Variants in RNF38 observed in about 807,000 individuals in gnomAD.
RNF38 encodes the protein E3 ubiquitin-protein ligase RNF38.
In RNF38, 15 loss-of-function variants were observed where a neutral mutation model predicts 67.2. That is an observed-to-expected ratio of 0.22 (90% CI 0.15 to 0.34). The LOEUF is 0.34. RNF38 is among the 10% of genes least tolerant of loss of function. The pLI is 1.00. For missense variants in RNF38, 524 were observed against 639.9 expected (o/e 0.82, Z 1.95); for synonymous variants, 220 against 218.8 (o/e 1.01, Z -0.05).
chr9:36,469,505 C>A (rs752724585), intron 1 of RNF38, among the ~76,000 whole-genome samples: 2 of 150,648 alleles, frequency 1.3e-5, no homozygotes, highest in Non-Finnish European at 3.0e-5. Flanking sequence ...ACTAAAAATA[C>A]AAAAAATTAG....
Position 36,375,923 on chromosome 9 carries a change from A to T in RNF38, c.356+11T>A, listed in dbSNP as rs1835752784. On this transcript the variant is annotated intron_variant, in intron 3 of 11. Transcript: ENST00000259605. ...GAAGAAAACTTAAGAAATAAATTGTAATCAACTAACCTTCTTCTGTTGCGT... is the reference window on the plus strand; with the variant it reads ...GAAGAAAACTTAAGAAATAAATTGTTATCAACTAACCTTCTTCTGTTGCGT... 3 of 1,586,892 alleles carry T rather than the reference A, an allele frequency of 1.9e-6. No individual in the cohort carries two copies. The highest frequency in any genetic ancestry group is 4.6e-5 in the East Asian group (2 of 43,930).
chr9:36,408,599 T>A (rs1266250386), intron 2 of RNF38, among the ~76,000 whole-genome samples: 2 of 152,116 alleles, frequency 1.3e-5, no homozygotes, highest in African/African-American at 2.4e-5. Context: ...CAAACTATAA[T>A]CTAGGAGCTG....
intron 6 of RNF38, among the ~76,000 whole-genome samples, chr9:36,355,224 A>G (rs1314376259): frequency 6.6e-6 from 1 of 152,236 alleles, no homozygotes; most frequent in Non-Finnish European, 1.5e-5. Context: ...TAAGACTGCT[A>G]CAATAAACTG....
chr9:36,401,093 C>T, upstream of RNF38: 1 of 985,178 alleles, frequency 1.0e-6, no homozygotes, highest in Non-Finnish European at 1.2e-6. Flanking sequence ...CTCGCCAGCA[C>T]AAACCTAGCG....
intron 1 of RNF38, among the ~76,000 whole-genome samples, chr9:36,437,991 G>A (rs1227297569): frequency 3.3e-5 from 5 of 152,184 alleles, no homozygotes; most frequent in South Asian, 2.1e-4. Flanking sequence ...GTAGCCCCAC[G>A]ATGCAGTGCA....
At chr9:36,421,520 G>A (rs568650613) in intron 2 of RNF38, among the ~76,000 whole-genome samples, 77 of 152,058 alleles carry the variant, frequency 5.1e-4, no homozygotes, top group African/African-American at 1.5e-3. Flanking sequence ...AAAATTAGCC[G>A]GGCGTGGTAG....
intron 6 of RNF38, among the ~76,000 whole-genome samples, chr9:36,355,523 A>G (rs1203790442): frequency 1.3e-5 from 2 of 152,204 alleles, no homozygotes; most frequent in Non-Finnish European, 2.9e-5. Flanking sequence ...GCCTTCAGAA[A>G]AAGTAACTCA....
intron 1 of RNF38, among the ~76,000 whole-genome samples, chr9:36,447,113 C>A (rs1234159872): frequency 2.9e-4 from 39 of 133,668 alleles, no homozygotes; most frequent in African/African-American, 1.0e-3. Flanking sequence ...GGCAACAGGG[C>A]AAGACTGTCT....
At chr9:36,359,829 A>G (rs781212744) in intron 4 of RNF38, among the ~76,000 whole-genome samples, 5 of 150,050 alleles carry the variant, frequency 3.3e-5, no homozygotes, top group African/African-American at 4.9e-5. Flanking sequence ...CACTGCAACC[A>G]CCACCTCCTG....
At position 36,337,765 on chromosome 9, in the gene RNF38, C is replaced by T. The variant is rs1015723247; in HGVS notation, c.*1987G>A. On this transcript the variant is annotated 3_prime_UTR_variant, in exon 12 of 12. Coordinates refer to ENST00000259605, the MANE Select transcript of RNF38 (RefSeq NM_022781.5). ...TCATCAGGAACAGGTGAGGGATATCCTAATGATTTAAAAGTAACATGTGCA... is the reference window on the plus strand; with the variant it reads ...TCATCAGGAACAGGTGAGGGATATCTTAATGATTTAAAAGTAACATGTGCA... The T allele has an allele frequency of 1.3e-5, 2 of 152,436 alleles. No individual in the cohort carries two copies. The highest frequency in any genetic ancestry group is 2.9e-5 in the Non-Finnish European group (2 of 68,030). The allele number at this position is 152,436 out of a possible 1,614,324, so 9.4% of individuals were successfully genotyped here.
In RNF38 at chr9:36,413,519, T is replaced by C. The variant is rs76737037; in HGVS notation, n.312+11094A>G. Among the ~76,000 whole-genome samples the C allele has an allele frequency of 8.8e-3, 1,337 of 152,314 alleles. 4 individuals are homozygous for C. The highest frequency in any genetic ancestry group is 0.015 in the Non-Finnish European group (1,007 of 68,022). ...CATTTTGAGATCCCATTTTATGAAA[T>C]GTACAGAATAGGCAAATTCATATAC... is the stretch of plus-strand genomic sequence containing the variant. On this transcript the variant is annotated intron_variant and non_coding_transcript_variant, in intron 2 of 3. Transcript: ENST00000488058.
chr9:36,390,441 T>C (rs377380604), intron 2 of RNF38, 26 bp downstream of exon 2: 212 of 1,591,840 alleles, frequency 1.3e-4, no homozygotes, highest in Non-Finnish European at 1.6e-4. Context: ...CAGCCCTATG[T>C]AGGGAAAGGG....
At chr9:36,417,295 T>A (rs1356549547) in intron 2 of RNF38, among the ~76,000 whole-genome samples, 1 of 152,208 alleles carries the variant, frequency 6.6e-6, no homozygotes, top group Non-Finnish European at 1.5e-5. Flanking sequence ...TTTACTGTTA[T>A]GTTCCTGCGG....
chr9:36,368,327 C>T (rs143972355), intron 4 of RNF38, among the ~76,000 whole-genome samples: 1 of 152,264 alleles, frequency 6.6e-6, no homozygotes, highest in Non-Finnish European at 1.5e-5. Flanking sequence ...ATAAATGAGA[C>T]CTTGCCTTTT....
At chr9:36,386,272 A>T (rs1035512285) in intron 2 of RNF38, among the ~76,000 whole-genome samples, 1 of 152,132 alleles carries the variant, frequency 6.6e-6, no homozygotes, top group African/African-American at 2.4e-5. Flanking sequence ...CAATTTTTGG[A>T]AAAGTTTTTC....
chr9:36,486,129 G>A (rs1169231694), intron 1 of RNF38, among the ~76,000 whole-genome samples: 2 of 151,844 alleles, frequency 1.3e-5, no homozygotes, highest in African/African-American at 4.8e-5. Context: ...CACAATGACT[G>A]AATACCCTCT....
chr9:36,428,539 C>T (rs1163527460), intron 1 of RNF38, among the ~76,000 whole-genome samples: 2 of 151,828 alleles, frequency 1.3e-5, no homozygotes, highest in Non-Finnish European at 2.9e-5. Flanking sequence ...AGAGACTGAG[C>T]CTTGGTCATC....
chr9:36,463,783 C>A (rs1564072650), intron 1 of RNF38, among the ~76,000 whole-genome samples: 1 of 152,208 alleles, frequency 6.6e-6, no homozygotes, highest in Non-Finnish European at 1.5e-5. Flanking sequence ...AATCATCTCT[C>A]TAATCACCAA....
intron 1 of RNF38, among the ~76,000 whole-genome samples, chr9:36,448,759 T>C (rs1273849897): frequency 6.6e-6 from 1 of 152,142 alleles, no homozygotes; most frequent in African/African-American, 2.4e-5. Flanking sequence ...ATCTCAGCAC[T>C]TTGGGAGACA....
Sources: gnomAD v4.1 joint callset for allele counts (sites outside exome capture counted in the v4.1 genomes callset) on GRCh38, gnomAD v4.1.1 for gene constraint, MANE v1.5 for transcripts, NCBI Gene and HGNC (gene_info 2026-07-23, HGNC 2026-07-21) for gene names.